The following RPAP2 variants were observed in gnomAD, a reference collection of about 807,000 sequenced individuals.
The protein encoded by RPAP2 is RNA polymerase II associated protein 2.
Under a neutral mutation model 73.1 loss-of-function variants are expected in RPAP2, and 52 were observed. The observed-to-expected ratio is 0.71, with a 90% confidence interval of 0.57 to 0.90. The LOEUF is 0.90. RPAP2 is among the 40% of genes least tolerant of loss of function. The pLI is 0.00. For synonymous variants in RPAP2, 225 were observed against 242.1 expected (o/e 0.93, Z 0.65); for missense variants, 598 against 701.8 (o/e 0.85, Z 1.67).
intron 6 of RPAP2, among the ~76,000 whole-genome samples, chr1:92,315,061 A>T (rs1343905415): frequency 6.6e-6 from 1 of 152,162 alleles, no homozygotes; most frequent in Non-Finnish European, 1.5e-5. Context: ...TAAATAAATA[A>T]ATAGAAATTA....
intron 6 of RPAP2, among the ~76,000 whole-genome samples, chr1:92,307,624 A>T (rs553794510): frequency 6.6e-6 from 1 of 152,338 alleles, no homozygotes; most frequent in East Asian, 1.9e-4. Context: ...CTTAGGATCC[A>T]GGTGAACTCT....
intron 2 of RPAP2, 61 bp from the exon 3 acceptor site, chr1:92,301,415 A>T: frequency 1.2e-6 from 1 of 850,964 alleles, no homozygotes; most frequent in Non-Finnish European, 1.9e-6. Context: ...ATTGTATTTT[A>T]AAACATGGAA....
At chr1:92,310,479 G>C (rs758484425) in intron 6 of RPAP2, among the ~76,000 whole-genome samples, 3 of 152,086 alleles carry the variant, frequency 2.0e-5, no homozygotes, top group Non-Finnish European at 4.4e-5. Flanking sequence ...GGAAAAAATT[G>C]CTTCTTTTAA....
At chr1:92,315,522 C>A (rs970667091) in intron 6 of RPAP2, among the ~76,000 whole-genome samples, 1 of 152,010 alleles carries the variant, frequency 6.6e-6, no homozygotes, top group Non-Finnish European at 1.5e-5. Flanking sequence ...ATTTGCAAAG[C>A]GCAGTAAAGG....
intron 3 of RPAP2, among the ~76,000 whole-genome samples, chr1:92,302,590 A>ATTTTTTTTTTTTTTTT (rs36067595): frequency 2.7e-5 from 2 of 74,316 alleles, no homozygotes; most frequent in Non-Finnish European, 4.6e-5. Flanking sequence ...TCCGCATTAA[A>ATTTTTTTTTTTTTTTT]TTTTTTTTTT....
At chr1:92,330,543 G>A (rs778572119) in intron 8 of RPAP2, among the ~76,000 whole-genome samples, 2 of 146,594 alleles carry the variant, frequency 1.4e-5, no homozygotes, top group African/African-American at 2.5e-5. Context: ...CACCTCCTGG[G>A]TTCGAGCGAT....
At chr1:92,357,078 GAAA>G (rs1280465535) in intron 11 of RPAP2, among the ~76,000 whole-genome samples, 1 of 133,638 alleles carries the variant, frequency 7.5e-6, no homozygotes, top group African/African-American at 3.1e-5. Flanking sequence ...AAAAAAAAAA[GAAA>G]AAAAGGATTA....
At chr1:92,325,081 A>G (rs781386913) in intron 8 of RPAP2, among the ~76,000 whole-genome samples, 2 of 152,194 alleles carry the variant, frequency 1.3e-5, no homozygotes, top group Non-Finnish European at 2.9e-5. Context: ...CTCAGTAAAT[A>G]GTACCCATAT....
intron 11 of RPAP2, among the ~76,000 whole-genome samples, chr1:92,359,661 C>G (rs1654642292): frequency 6.6e-6 from 1 of 152,196 alleles, no homozygotes; most frequent in African/African-American, 2.4e-5. Flanking sequence ...GCTGAGACTT[C>G]CTGTTCAATT....
At chr1:92,359,570 T>C (rs1431570997) in intron 11 of RPAP2, among the ~76,000 whole-genome samples, 1 of 152,260 alleles carries the variant, frequency 6.6e-6, no homozygotes, top group East Asian at 1.9e-4. Context: ...TTCACCCGCC[T>C]TGGCCTCCCA....
rs1186097944 is a variant in RPAP2 at position 92,396,553 on chromosome 1, T to C, written c.*9542T>C. The stretch of plus-strand genomic sequence containing the variant: ...CATGGGTCTGATGTGAAAACATGGA[T>C]TGCCTGCAGATGGGCACAAGGGATC... On this transcript the variant is annotated 3_prime_UTR_variant, in exon 13 of 13. Transcript: ENST00000610020. 6.6e-6 allele frequency: 1 copy of C among 152,150 alleles called. No homozygotes were observed. Among genetic ancestry groups the C allele is most frequent in the East Asian group, 1.9e-4 (1 of 5,198 alleles). 9.4% of individuals were successfully genotyped at this position (152,150 alleles called of 1,614,324 possible).
intron 12 of RPAP2, among the ~76,000 whole-genome samples, chr1:92,382,403 C>G (rs1453617560): frequency 1.3e-5 from 2 of 152,176 alleles, no homozygotes; most frequent in African/African-American, 4.8e-5. Flanking sequence ...ACAAGTGTTC[C>G]TATTTCTCCA....
Position 92,388,062 on chromosome 1 carries a change from G to C in RPAP2, c.*1051G>C, listed in dbSNP as rs1315437670. On this transcript the variant is annotated 3_prime_UTR_variant, in exon 13 of 13. Coordinates refer to ENST00000610020, the MANE Select transcript of RPAP2 (RefSeq NM_024813.3). ...CACAACAAAAAATCATAGTGTAATA[G>C]AATTAATCAAGTTCAGCAAGGTCAC... The C allele has an allele frequency of 6.6e-6, 1 of 152,074 alleles. No homozygotes were observed. Among genetic ancestry groups the C allele is most frequent in the Non-Finnish European group, 1.5e-5 (1 of 68,018 alleles). The allele number at this position is 152,074 out of a possible 1,614,324, so 9.4% of individuals were successfully genotyped here.
At chr1:92,375,949 A>C (rs1571144051) in intron 11 of RPAP2, among the ~76,000 whole-genome samples, 1 of 151,224 alleles carries the variant, frequency 6.6e-6, no homozygotes, top group Non-Finnish European at 1.5e-5. Flanking sequence ...GCAGTGAGCC[A>C]AGATAGCGCC....
At chr1:92,354,194 C>T (rs1287666436) in intron 11 of RPAP2, among the ~76,000 whole-genome samples, 1 of 152,114 alleles carries the variant, frequency 6.6e-6, no homozygotes, top group African/African-American at 2.4e-5. Context: ...TGATTGAGCT[C>T]CCTGAGAGCT....
intron 6 of RPAP2, among the ~76,000 whole-genome samples, chr1:92,312,287 C>T (rs570348642): frequency 6.6e-6 from 1 of 152,078 alleles, no homozygotes; most frequent in South Asian, 2.1e-4. Context: ...TGTGGTGGCA[C>T]ACAACTGTAG....
At chr1:92,348,577 C>T (rs1304750913) in intron 11 of RPAP2, among the ~76,000 whole-genome samples, 1 of 152,074 alleles carries the variant, frequency 6.6e-6, no homozygotes, top group Admixed American at 6.5e-5. Flanking sequence ...TGTCTCCTGC[C>T]CCATATTATT....
intron 11 of RPAP2, among the ~76,000 whole-genome samples, chr1:92,373,739 TAA>T (rs59586077): frequency 0.021 from 1,710 of 80,470 alleles, 30 homozygotes; most frequent in African/African-American, 0.059. Context: ...CTACTAAAAA[TAA>T]AAAAAAAAAA....
At chr1:92,370,795 G>A (rs1309816558) in intron 11 of RPAP2, among the ~76,000 whole-genome samples, 4 of 152,048 alleles carry the variant, frequency 2.6e-5, no homozygotes, top group Admixed American at 2.6e-4. Context: ...AAACAGTTGA[G>A]TCTTCATTTT....
Sources: gnomAD v4.1 joint callset for allele counts (sites outside exome capture counted in the v4.1 genomes callset) on GRCh38, gnomAD v4.1.1 for gene constraint, MANE v1.5 for transcripts, NCBI Gene and HGNC (gene_info 2026-07-23, HGNC 2026-07-21) for gene names.